The following DPP4 variants were observed in gnomAD, a reference collection of about 807,000 sequenced individuals.
The protein encoded by DPP4 is dipeptidyl peptidase 4, also known as ADCP-2.
DPP4 carries 93 observed loss-of-function variants against 122.4 expected under a neutral mutation model. The ratio of observed to expected loss-of-function variants is 0.76; its 90% CI spans 0.64 to 0.90. DPP4 has a LOEUF of 0.90. Among genes scored for constraint, DPP4 ranks in the 40% least tolerant of loss-of-function variants. The pLI, the probability that DPP4 is intolerant of heterozygous loss-of-function variation, is 0.00. For missense variants in DPP4, 914 were observed against 907.3 expected (o/e 1.01, Z -0.09); for synonymous variants, 321 against 302.9 (o/e 1.06, Z -0.62).
At chr2:162,045,701 A>T (rs1684148802) in intron 4 of DPP4, 89 bp from the exon 5 acceptor site, 1 of 925,776 alleles carries the variant, frequency 1.1e-6, no homozygotes, top group Non-Finnish European at 1.7e-6. Flanking sequence ...ACTGTTCTAG[A>T]CATGTGGCTT....
At chr2:162,017,600 C>G (rs1559710346) in intron 16 of DPP4, 1 of 159,170 alleles carries the variant, frequency 6.3e-6, no homozygotes, top group Non-Finnish European at 1.4e-5. Context: ...CCGCTGCCCC[C>G]ACTCCCATGG....
At chr2:162,005,173 C>G (rs563875128) in intron 23 of DPP4, among the ~76,000 whole-genome samples, 1 of 152,302 alleles carries the variant, frequency 6.6e-6, no homozygotes, top group Non-Finnish European at 1.5e-5. Flanking sequence ...TATAGCCCAT[C>G]TGCAGAGCAA....
intron 2 of DPP4, among the ~76,000 whole-genome samples, chr2:162,054,373 T>C (rs566515151): frequency 1.3e-5 from 2 of 152,336 alleles, no homozygotes; most frequent in East Asian, 1.9e-4. Context: ...CTCTGGCCTC[T>C]AGCCTTCTGA....
intron 10 of DPP4, among the ~76,000 whole-genome samples, chr2:162,026,433 A>G (rs1225811129): frequency 6.6e-6 from 1 of 152,062 alleles, no homozygotes; most frequent in Non-Finnish European, 1.5e-5. Context: ...GAAACTATAT[A>G]CTACCTAGTC....
intron 14 of DPP4, 126 bp from the exon 15 acceptor site, chr2:162,019,402 G>C: frequency 1.7e-6 from 1 of 586,430 alleles, no homozygotes; most frequent in Non-Finnish European, 2.9e-6. Flanking sequence ...GCCGCCCTCC[G>C]CCATCGCTTC....
intron 2 of DPP4, 152 bp from the exon 3 acceptor site, chr2:162,047,653 G>A: frequency 2.0e-6 from 1 of 506,858 alleles, no homozygotes; most frequent in East Asian, 2.9e-5. Context: ...AAAGACTTCA[G>A]ACTGAATGGA....
rs184016966 is a variant in DPP4, at chr2:162,057,370, G to A, written c.95-9869C>T. Among the ~76,000 whole-genome samples, 25 of 152,280 alleles carry A rather than the reference G, an allele frequency of 1.6e-4. No individual in the cohort carries two copies. The East Asian group carries it at 4.2e-3, about 26-fold the overall frequency. ...CCTCCAAATATACATACCCTTCCTT[G>A]CTCAGTAATTCTGGGGAAGGGCTCT... On this transcript the variant is annotated intron_variant, in intron 2 of 25. Transcript: ENST00000360534.
At position 162,065,745 on chromosome 2, in the gene DPP4, C is replaced by T. The variant is rs559316401; in HGVS notation, c.94+7654G>A. Among the ~76,000 whole-genome samples the T allele has an allele frequency of 1.1e-4, 17 of 152,270 alleles. No individual in the cohort carries two copies. The East Asian group carries it at 3.3e-3, about 29-fold the overall frequency. ...TTATGCTTGGTTGTTTATGTAGAAA[C>T]TTCCTGGGGCAGCATTTATCATTTG... is the stretch of plus-strand genomic sequence containing the variant. On this transcript the variant is annotated intron_variant, in intron 2 of 25. Transcript: ENST00000360534.
At chr2:162,045,149 A>G (rs1684128104) in intron 5 of DPP4, among the ~76,000 whole-genome samples, 1 of 151,864 alleles carries the variant, frequency 6.6e-6, no homozygotes, top group Non-Finnish European at 1.5e-5. Flanking sequence ...AAAAACACAT[A>G]TCTATGGAGG....
chr2:162,047,211 C>A (rs1684215452), intron 3 of DPP4, among the ~76,000 whole-genome samples, 192 bp downstream of exon 3: 1 of 151,914 alleles, frequency 6.6e-6, no homozygotes, highest in African/African-American at 2.4e-5. Flanking sequence ...TTTTATTATA[C>A]ATGTCAAAGA....
intron 12 of DPP4, 79 bp downstream of exon 12, chr2:162,022,676 G>T: frequency 3.7e-6 from 5 of 1,347,006 alleles, no homozygotes; most frequent in Admixed American, 1.7e-5. Context: ...ATCACTTAGA[G>T]CCCTAGTTTT....
intron 25 of DPP4, 69 bp from the exon 26 acceptor site, chr2:161,993,453 A>C: frequency 1.9e-6 from 2 of 1,077,012 alleles, no homozygotes; most frequent in Non-Finnish European, 2.8e-6. Context: ...AAATACGTAA[A>C]TTCAAATGAG....
At chr2:162,058,717 A>C (rs1219443529) in intron 2 of DPP4, among the ~76,000 whole-genome samples, 1 of 152,192 alleles carries the variant, frequency 6.6e-6, no homozygotes, top group Non-Finnish European at 1.5e-5. Flanking sequence ...TATGGTCTTT[A>C]GTTTCTGTTA....
At chr2:162,069,061 T>A (rs1296631289) in intron 2 of DPP4, among the ~76,000 whole-genome samples, 1 of 152,148 alleles carries the variant, frequency 6.6e-6, no homozygotes, top group African/African-American at 2.4e-5. Context: ...CAAAATTCCT[T>A]ATACACAGAA....
chr2:162,022,146 A>G (rs1189946880), intron 12 of DPP4, among the ~76,000 whole-genome samples: 1 of 152,196 alleles, frequency 6.6e-6, no homozygotes, highest in East Asian at 1.9e-4. Context: ...TTCTATGGCC[A>G]TAGCAATCTG....
intron 5 of DPP4, among the ~76,000 whole-genome samples, chr2:162,040,688 G>T (rs1279784863): frequency 6.6e-6 from 1 of 151,810 alleles, no homozygotes; most frequent in African/African-American, 2.4e-5. Context: ...CACCATAATG[G>T]TAGATACATG....
chr2:162,006,318 C>A (rs1384097585), intron 22 of DPP4, among the ~76,000 whole-genome samples: 1 of 152,096 alleles, frequency 6.6e-6, no homozygotes, highest in Non-Finnish European at 1.5e-5. Flanking sequence ...TCATCTATTT[C>A]CTTTTGGAGA....
intron 2 of DPP4, among the ~76,000 whole-genome samples, chr2:162,064,095 T>C: frequency 6.6e-6 from 1 of 152,228 alleles, no homozygotes; most frequent in East Asian, 1.9e-4. Context: ...TCTCTTCTAA[T>C]GGTTTCAGTT....
At chr2:162,030,078 C>A (rs989831054) in intron 10 of DPP4, among the ~76,000 whole-genome samples, 8 of 152,200 alleles carry the variant, frequency 5.3e-5, no homozygotes, top group Non-Finnish European at 1.2e-4. Context: ...GCCTCTACTG[C>A]GTAGAACCTG....
Sources: gnomAD v4.1 joint callset for allele counts (sites outside exome capture counted in the v4.1 genomes callset) on GRCh38, gnomAD v4.1.1 for gene constraint, MANE v1.5 for transcripts, NCBI Gene and HGNC (gene_info 2026-07-23, HGNC 2026-07-21) for gene names.